AGO1: variants seen among roughly 807,000 people sequenced by gnomAD.
AGO1 encodes the protein protein argonaute-1.
Under a neutral mutation model 109.2 loss-of-function variants are expected in AGO1, and 11 were observed. That is an observed-to-expected ratio of 0.10 (90% CI 0.06 to 0.17). The LOEUF (loss-of-function observed/expected upper bound fraction) is 0.17. Among genes scored for constraint, AGO1 ranks in the 10% least tolerant of loss-of-function variants. The probability of loss-of-function intolerance (pLI) is 1.00; values close to 1 mark genes in which losing one functional copy is unlikely to be tolerated. For synonymous variants in AGO1, 422 were observed against 418.6 expected (o/e 1.01, Z -0.10); for missense variants, 574 against 1,140.3 (o/e 0.50, Z 7.15).
At position 35,893,048 on chromosome 1, in the gene AGO1, C is replaced by T. The variant is rs756855523; in HGVS notation, c.331-49C>T. 3 of 1,552,950 alleles carry T rather than the reference C, an allele frequency of 1.9e-6. No individual in the cohort carries two copies. Among genetic ancestry groups the T allele is most frequent in the Non-Finnish European group, 2.6e-6 (3 of 1,136,202 alleles). ...CAAATCCATGGAGTTGGGGGTCATTCTCGCAGAGCAATGGCAATCCTTCAT... is the reference window on the plus strand; with the variant it reads ...CAAATCCATGGAGTTGGGGGTCATTTTCGCAGAGCAATGGCAATCCTTCAT... On this transcript the variant is annotated intron_variant, in intron 3 of 18. Coordinates refer to ENST00000373204, the MANE Select transcript of AGO1 (RefSeq NM_012199.5). The surrounding 1 kb of genome is among the most constrained non-coding windows in gnomAD (Gnocchi z 5.6).
At chr1:35,885,466 A>G (rs1218189288) in intron 1 of AGO1, among the ~76,000 whole-genome samples, 1 of 152,226 alleles carries the variant, frequency 6.6e-6, no homozygotes, top group Non-Finnish European at 1.5e-5. Context: ...TGCCTCAGTA[A>G]AGGGTATAAT....
upstream of AGO1, chr1:35,882,954 T>C (rs1645052374): frequency 1.0e-6 from 1 of 969,536 alleles, no homozygotes; most frequent in South Asian, 4.8e-5. This position sits in a 1 kb window ranked among gnomAD's most constrained non-coding sequence, Gnocchi z 5.1. Context: ...AGGGACCTAT[T>C]TGGGGAAAAG....
intron 1 of AGO1, among the ~76,000 whole-genome samples, chr1:35,871,726 T>G (rs768295929): frequency 1.6e-4 from 25 of 151,744 alleles, no homozygotes; most frequent in Non-Finnish European, 2.9e-5. Context: ...ATAATGATTT[T>G]TGCCCTTTTC....
chr1:35,910,697 A>C (rs1013794386), intron 12 of AGO1, among the ~76,000 whole-genome samples: 2 of 152,204 alleles, frequency 1.3e-5, no homozygotes, highest in Admixed American at 6.5e-5. Context: ...CCATCATATG[A>C]ATATAACACC....
intron 7 of AGO1, 124 bp from the exon 8 acceptor site, chr1:35,894,998 C>T: frequency 2.5e-6 from 3 of 1,191,320 alleles, no homozygotes; most frequent in Non-Finnish European, 3.5e-6. Flanking sequence ...GGACTTCCTT[C>T]CTGCACATCA....
chr1:35,886,470 G>A (rs1645122103), intron 1 of AGO1, among the ~76,000 whole-genome samples: 1 of 152,136 alleles, frequency 6.6e-6, no homozygotes, highest in Admixed American at 6.6e-5. Context: ...GGCTATGTGT[G>A]GTATGTAGTC....
At chr1:35,880,575 T>C (rs1010382357), upstream of AGO1, among the ~76,000 whole-genome samples, 130 of 152,160 alleles carry the variant, frequency 8.5e-4, 1 homozygote, top group African/African-American at 3.1e-3. Context: ...AAGAATATAG[T>C]GTGAGAGGCA....
chr1:35,912,789 T>G (rs897177713), intron 12 of AGO1, among the ~76,000 whole-genome samples: 2 of 151,938 alleles, frequency 1.3e-5, no homozygotes, highest in Non-Finnish European at 2.9e-5. Flanking sequence ...GGCCAGGCTG[T>G]TCTTGAACTC....
rs779867071 is a variant in AGO1 at position 35,918,428 on chromosome 1, C to T, written c.2265+5C>T. ...TGCAGCCACGCAGGCATCCAGGTAG[C>T]TGGGCTTTATCTTGTGGTTCCAATG... On this transcript the variant is annotated splice_donor_5th_base_variant and intron_variant, in intron 17 of 18. Transcript: ENST00000373204. The T allele has an allele frequency of 6.2e-7, 1 of 1,610,322 alleles. No individual in the cohort carries two copies. The highest frequency in any genetic ancestry group is 2.2e-5 in the East Asian group (1 of 44,884).
upstream of AGO1, among the ~76,000 whole-genome samples, chr1:35,881,169 A>T (rs1645032734): frequency 6.6e-6 from 1 of 152,216 alleles, no homozygotes; most frequent in South Asian, 2.1e-4. Context: ...TCTACTTCGT[A>T]TGTAAAGCAG....
rs1169625706 is a variant in AGO1 at position 35,926,431 on chromosome 1, G to T, written c.*6824G>T. The T allele has an allele frequency of 1.3e-5, 2 of 152,084 alleles. No homozygotes were observed. The highest frequency in any genetic ancestry group is 2.9e-5 in the Non-Finnish European group (2 of 68,026). The allele number at this position is 152,084 out of a possible 1,614,324, so 9.4% of individuals were successfully genotyped here. On this transcript the variant is annotated 3_prime_UTR_variant, in exon 19 of 19. Transcript: ENST00000373204. ...CATTCTGGACTAGCAGTTGCCTTGG[G>T]GTAGTCAGGCTGGGTATTTGTTTGG...
chr1:35,918,894 G>A lies in AGO1; in HGVS notation c.2266-161G>A, dbSNP rs541797396. Among the ~76,000 whole-genome samples the A allele has an allele frequency of 2.0e-5, 3 of 152,300 alleles. No individual in the cohort carries two copies. The East Asian group carries it at 5.8e-4, about 29-fold the overall frequency. ...TAATAAGCCCTGAGTACACTTGCAG[G>A]TTGCTTATAAGAAGAGTGCTTTATG... On this transcript the variant is annotated intron_variant, in intron 17 of 18. Coordinates refer to ENST00000373204, the MANE Select transcript of AGO1 (RefSeq NM_012199.5).
upstream of AGO1, chr1:35,883,006 C>G (rs1645052918): frequency 6.5e-6 from 6 of 930,158 alleles, no homozygotes; most frequent in Middle Eastern, 5.4e-4. This position sits in a 1 kb window ranked among gnomAD's most constrained non-coding sequence, Gnocchi z 5.4. Flanking sequence ...TCCCTTCGCC[C>G]TGCCCCACTT....
chr1:35,887,997 T>G (rs1244074153), intron 1 of AGO1, among the ~76,000 whole-genome samples: 3 of 152,156 alleles, frequency 2.0e-5, no homozygotes, highest in Admixed American at 6.5e-5. Context: ...GGTTATGCCA[T>G]TTTGTATTCA....
At chr1:35,914,351 C>T (rs1645696329) in intron 14 of AGO1, 77 bp downstream of exon 14, 6 of 1,206,454 alleles carry the variant, frequency 5.0e-6, no homozygotes, top group Non-Finnish European at 7.3e-6. Context: ...TGATTTCCTT[C>T]CCTCAGCTCT....
In AGO1 at chr1:35,908,575, GAT is replaced by G. The variant is rs369150171; in HGVS notation, c.1582+1460_1582+1461del. Among the ~76,000 whole-genome samples, 674 of 152,296 alleles carry G rather than the reference GAT, an allele frequency of 4.4e-3. 9 individuals carry two copies. The highest frequency in any genetic ancestry group is 0.015 in the African/African-American group (635 of 41,542). On this transcript the variant is annotated intron_variant, in intron 12 of 18. Transcript: ENST00000373204. ...TCTGGATATATTGATGAATAAAACA[GAT>G]ATAGTCTCTGCTCTTAGAAAGTGTT...
chr1:35,926,281 A>G lies in AGO1; in HGVS notation c.*6674A>G, dbSNP rs1645925755. On this transcript the variant is annotated 3_prime_UTR_variant, in exon 19 of 19. Transcript: ENST00000373204. ...CAAGTTAAAAAGACTGGGAGCCTGC[A>G]TTGTTTGGTCCTGGAGCTCAAGGTT... The G allele has an allele frequency of 6.6e-6, 1 of 152,180 alleles. No homozygotes were observed. Among genetic ancestry groups the G allele is most frequent in the South Asian group, 2.1e-4 (1 of 4,824 alleles). 9.4% of individuals were successfully genotyped at this position (152,180 alleles called of 1,614,324 possible).
upstream of AGO1, among the ~76,000 whole-genome samples, chr1:35,882,640 C>T (rs1196494546): frequency 6.6e-6 from 1 of 152,164 alleles, no homozygotes; most frequent in Non-Finnish European, 1.5e-5. The surrounding 1 kb of genome is among the most constrained non-coding windows in gnomAD (Gnocchi z 5.1). Context: ...TGTAGCTGCA[C>T]TTAAGTTCAA....
rs1227464220 is a variant in AGO1, at chr1:35,883,257, G to T, written c.-165G>T. The T allele has an allele frequency of 7.4e-7, 1 of 1,348,232 alleles. No individual in the cohort carries two copies. The highest frequency in any genetic ancestry group is 9.5e-7 in the Non-Finnish European group (1 of 1,048,976). 83.5% of individuals were successfully genotyped at this position (1,348,232 alleles called of 1,614,324 possible). ...CAGTGGGAGCTGCTGCAGGCTCCGCGGCGGCGGCAACGGAGGCTGCGGGGG... is the reference window on the plus strand; with the variant it reads ...CAGTGGGAGCTGCTGCAGGCTCCGCTGCGGCGGCAACGGAGGCTGCGGGGG... On this transcript the variant is annotated 5_prime_UTR_variant, in exon 1 of 19. Coordinates refer to ENST00000373204, the MANE Select transcript of AGO1 (RefSeq NM_012199.5). The surrounding 1 kb of genome is among the most constrained non-coding windows in gnomAD (Gnocchi z 5.4).
Sources: gnomAD v4.1 joint callset for allele counts (sites outside exome capture counted in the v4.1 genomes callset) on GRCh38, gnomAD v4.1.1 for gene constraint, Gnocchi (gnomAD v3.1) non-coding constraint, MANE v1.5 for transcripts, NCBI Gene and HGNC (gene_info 2026-07-23, HGNC 2026-07-21) for gene names.